The following MAPK10 variants were observed in gnomAD, a reference collection of about 807,000 sequenced individuals.
MAPK10 encodes JNK3 alpha protein kinase.
MAPK10 carries 25 observed loss-of-function variants against 59.3 expected under a neutral mutation model. That is an observed-to-expected ratio of 0.42 (90% CI 0.31 to 0.59). The LOEUF (loss-of-function observed/expected upper bound fraction) is 0.59. Ranked by LOEUF, MAPK10 falls within the 20% of genes least tolerant of loss-of-function variation. MAPK10 has a pLI of 0.15. For synonymous variants in MAPK10, 190 were observed against 200.5 expected (o/e 0.95, Z 0.44); for missense variants, 351 against 568.9 (o/e 0.62, Z 3.90).
intron 4 of MAPK10, chr4:86,125,242 GAAT>G (rs2149125038): frequency 6.6e-6 from 1 of 151,142 alleles, no homozygotes; most frequent in African/African-American, 2.4e-5. Context: ...TAAAACTTAA[GAAT>G]AATAAATTCA....
At chr4:86,285,814 A>G (rs2094984074) in intron 2 of MAPK10, among the ~76,000 whole-genome samples, 1 of 152,214 alleles carries the variant, frequency 6.6e-6, no homozygotes, top group Admixed American at 6.5e-5. Flanking sequence ...CAGAGGTCTG[A>G]GAACCAGGGA....
intron 8 of MAPK10, chr4:86,100,791 C>T: frequency 3.0e-6 from 1 of 338,454 alleles, no homozygotes; most frequent in South Asian, 5.2e-5. Context: ...ATCCGCTTGA[C>T]TGTTTAATCA....
chr4:86,456,573 C>T (rs2149058753), upstream of MAPK10, among the ~76,000 whole-genome samples: 1 of 151,962 alleles, frequency 6.6e-6, no homozygotes, highest in South Asian at 2.1e-4. Context: ...TGGATAAATT[C>T]CTAGAAAAAA....
intron 3 of MAPK10, among the ~76,000 whole-genome samples, chr4:86,163,558 A>G (rs2149240182): frequency 6.6e-6 from 1 of 152,258 alleles, no homozygotes; most frequent in South Asian, 2.1e-4. Context: ...TCATGTTGAG[A>G]AAGCATGCTT....
Position 86,567,989 on chromosome 4 carries a change from A to G in MAPK10, c.-263+25921T>C, listed in dbSNP as rs114834948. ...GAGAAATAAAAGGCATCCAAACTGA[A>G]AAAGAGACAGTCGAATATCTCTGTT... On this transcript the variant is annotated intron_variant, in intron 1 of 4. Coordinates refer to the MAPK10 transcript ENST00000502302. Among the ~76,000 whole-genome samples, 733 of 152,318 alleles carry G rather than the reference A, an allele frequency of 4.8e-3. 1 individual carries two copies. The highest frequency in any genetic ancestry group is 0.017 in the African/African-American group (689 of 41,576).
intron 3 of MAPK10, among the ~76,000 whole-genome samples, chr4:86,182,885 C>T (rs574938834): frequency 6.6e-6 from 1 of 152,052 alleles, no homozygotes; most frequent in Non-Finnish European, 1.5e-5. Context: ...AAAATCCAGT[C>T]ATTAAGAAAG....
At chr4:86,089,457 A>G (rs1296284662) in intron 9 of MAPK10, 1 of 524,474 alleles carries the variant, frequency 1.9e-6, no homozygotes, top group Non-Finnish European at 3.4e-6. Flanking sequence ...TAGGCTCTCA[A>G]GGCCCTTTTC....
chr4:86,174,665 G>C (rs1013057162), intron 3 of MAPK10, among the ~76,000 whole-genome samples: 1 of 152,094 alleles, frequency 6.6e-6, no homozygotes, highest in African/African-American at 2.4e-5. Context: ...TTCCACAGTG[G>C]TGTTTTAGCT....
At chr4:86,587,337 C>T (rs549187624) in intron 1 of MAPK10, among the ~76,000 whole-genome samples, 1 of 152,258 alleles carries the variant, frequency 6.6e-6, no homozygotes, top group East Asian at 1.9e-4. Context: ...TTTTAAAGAG[C>T]GTTCAGCTAC....
intron 1 of MAPK10, among the ~76,000 whole-genome samples, chr4:86,403,545 CA>C (rs565183221): frequency 5.5e-4 from 84 of 152,070 alleles, no homozygotes; most frequent in African/African-American, 1.8e-3. Context: ...AAAACAACAA[CA>C]AAACCTGAGA....
intron 13 of MAPK10, among the ~76,000 whole-genome samples, chr4:86,022,320 T>G (rs1478714721): frequency 2.6e-5 from 4 of 152,270 alleles, no homozygotes; most frequent in Non-Finnish European, 4.4e-5. Flanking sequence ...CATTGTGGTT[T>G]GATTTGCATT....
intron 2 of MAPK10, among the ~76,000 whole-genome samples, chr4:86,308,111 A>T (rs1031738): frequency 0.6 from 91,817 of 151,972 alleles, 28,454 homozygotes; most frequent in South Asian, 0.74. Context: ...TTCGTACTAA[A>T]AGGGAAGTAC....
intron 1 of MAPK10, among the ~76,000 whole-genome samples, chr4:86,521,915 G>A (rs1418140802): frequency 1.3e-5 from 2 of 152,174 alleles, no homozygotes; most frequent in East Asian, 3.8e-4. Context: ...TCACCCTGTG[G>A]TCCCTCCCCA....
chr4:86,197,223 C>T (rs2081528777), intron 2 of MAPK10, among the ~76,000 whole-genome samples: 2 of 152,168 alleles, frequency 1.3e-5, no homozygotes, highest in South Asian at 4.1e-4. Flanking sequence ...TTTGTGTCCT[C>T]TCTTATTTCC....
intron 1 of MAPK10, among the ~76,000 whole-genome samples, chr4:86,359,288 C>CTCTCTGTG (rs796310826): frequency 2.0e-4 from 19 of 94,632 alleles, no homozygotes; most frequent in African/African-American, 8.5e-4. Context: ...CTCTCTCTCT[C>CTCTCTGTG]TGTGTGTGTG....
At chr4:86,261,202 C>T (rs1203699269) in intron 2 of MAPK10, among the ~76,000 whole-genome samples, 1 of 152,168 alleles carries the variant, frequency 6.6e-6, no homozygotes, top group East Asian at 1.9e-4. Context: ...AGCAACTTGT[C>T]CTTCACAATA....
chr4:86,346,983 A>G (rs1047714438), intron 2 of MAPK10, among the ~76,000 whole-genome samples: 4 of 152,120 alleles, frequency 2.6e-5, no homozygotes, highest in Non-Finnish European at 5.9e-5. Flanking sequence ...TCCAAAGTAG[A>G]ATTGCATTCA....
chr4:86,266,990 T>C (rs1401523591), intron 2 of MAPK10, among the ~76,000 whole-genome samples: 5 of 152,164 alleles, frequency 3.3e-5, no homozygotes, highest in African/African-American at 9.7e-5. Flanking sequence ...TTCTTTTAAA[T>C]TGGAGTCCAG....
At position 86,015,719 on chromosome 4, in the gene MAPK10, T is replaced by G. The variant is rs1487179141; in HGVS notation, c.*1509A>C. The G allele has an allele frequency of 6.6e-6, 1 of 152,220 alleles. No homozygotes were observed. Among genetic ancestry groups the G allele is most frequent in the African/African-American group, 2.4e-5 (1 of 41,452 alleles). 9.4% of individuals were successfully genotyped at this position (152,220 alleles called of 1,614,324 possible). The stretch of plus-strand genomic sequence containing the variant: ...GACAAACTCATATTGCTAAAACTAT[T>G]TGGCAGCAGTAAATTTATGGGCAGA... On this transcript the variant is annotated 3_prime_UTR_variant, in exon 14 of 14. Coordinates refer to ENST00000641462, the MANE Select transcript of MAPK10 (RefSeq NM_138982.4).
Sources: allele counts gnomAD v4.1 joint callset (sites outside exome capture counted in the v4.1 genomes callset), GRCh38; gene constraint gnomAD v4.1.1; transcripts MANE v1.5; gene names NCBI Gene and HGNC (gene_info 2026-07-23, HGNC 2026-07-21).